Variants in KLHDC4 observed in about 807,000 individuals in gnomAD.
KLHDC4 encodes the protein kelch domain containing 4.
A neutral mutation model predicts 62.4 loss-of-function variants in KLHDC4; 90 were observed. The ratio of observed to expected loss-of-function variants is 1.44; its 90% confidence interval spans 1.22 to 1.72. The LOEUF is 1.72. Among genes scored for constraint, KLHDC4 ranks in the 40% most tolerant of loss-of-function variants. The pLI is 0.00. For missense variants in KLHDC4, 1,025 were observed against 699.7 expected, an observed-to-expected ratio of 1.47 and a Z score of -5.25; for synonymous variants, 386 against 284.4, an observed-to-expected ratio of 1.36 and a Z score of -3.59.
At chr16:87,700,999 C>T in exon 1 of KLHDC4, 1 of 221,206 alleles carries the variant, frequency 4.5e-6, no homozygotes. Flanking sequence ...GAGGAAGCGA[C>T]TGTCCCCAGG....
chr16:87,751,067 C>A (rs1371544912), intron 4 of KLHDC4: 2 of 152,230 alleles, frequency 1.3e-5, no homozygotes, highest in Admixed American at 6.5e-5. Context: ...AAACTATCAT[C>A]TCGGGAAGAC....
intron 8 of KLHDC4, among the ~76,000 whole-genome samples, chr16:87,712,366 GC>G (rs140472945): frequency 6.6e-6 from 1 of 152,160 alleles, no homozygotes; most frequent in African/African-American, 2.4e-5. Flanking sequence ...TGGCTCTGGG[GC>G]CCCCGCCTCA....
At position 87,711,230 on chromosome 16, in the gene KLHDC4, A is replaced by C; in HGVS notation, c.1044+5T>G. 1 of 1,613,964 alleles carries C rather than the reference A, an allele frequency of 6.2e-7. No individual in the cohort carries two copies. The highest frequency in any genetic ancestry group is 8.5e-7 in the Non-Finnish European group (1 of 1,179,990). On this transcript the variant is annotated splice_donor_5th_base_variant and intron_variant, in intron 9 of 11. Transcript: ENST00000270583. The stretch of plus-strand genomic sequence containing the variant: ...ACGGCGCATGCTACTCAGAGGTTGC[A>C]CTACCTTCAGCTGTCCCTCAAACCA...
intron 4 of KLHDC4, 81 bp from the exon 5 acceptor site, chr16:87,748,890 G>A (rs573144505): frequency 9.2e-6 from 14 of 1,515,538 alleles, no homozygotes; most frequent in East Asian, 2.3e-5. Flanking sequence ...AGTGGTGAGC[G>A]CTTCAGTACT....
chr16:87,734,823 G>A (rs927637988), intron 5 of KLHDC4, among the ~76,000 whole-genome samples: 5 of 152,042 alleles, frequency 3.3e-5, no homozygotes, highest in South Asian at 2.1e-4. Context: ...GCTTGGCACC[G>A]CAGGGGACAG....
intron 5 of KLHDC4, among the ~76,000 whole-genome samples, chr16:87,736,282 G>A (rs1984981): frequency 0.058 from 8,757 of 152,254 alleles, 325 homozygotes; most frequent in East Asian, 0.16. Context: ...TCAACACACA[G>A]AAGGGAAGTA....
chr16:87,764,461 C>G (rs1316256190), intron 1 of KLHDC4, among the ~76,000 whole-genome samples: 1 of 151,766 alleles, frequency 6.6e-6, no homozygotes, highest in Non-Finnish European at 1.5e-5. Context: ...ACCAGCCTGA[C>G]CAAAACGGTG....
At chr16:87,701,315 G>A (rs1192139717) in exon 1 of KLHDC4, 4 of 252,464 alleles carry the variant, frequency 1.6e-5, no homozygotes, top group South Asian at 4.8e-5. Context: ...TAGCAAGAGG[G>A]TAGCAGGGCG....
chr16:87,713,273 C>T (rs2036257568), intron 8 of KLHDC4, among the ~76,000 whole-genome samples: 1 of 152,042 alleles, frequency 6.6e-6, no homozygotes, highest in Non-Finnish European at 1.5e-5. Context: ...AATCTCGGCT[C>T]ACTGCAAGCT....
chr16:87,711,057 C>T, intron 9 of KLHDC4, 178 bp downstream of exon 9: 1 of 622,286 alleles, frequency 1.6e-6, no homozygotes. Context: ...GGACCGTGAC[C>T]AAGGGCTCTC....
At chr16:87,749,928 G>C (rs1267766100) in intron 4 of KLHDC4, among the ~76,000 whole-genome samples, 3 of 152,210 alleles carry the variant, frequency 2.0e-5, no homozygotes, top group African/African-American at 7.2e-5. Flanking sequence ...CAGTAAAGGT[G>C]AAGGAGCGCA....
rs751819016 is a variant in KLHDC4, at chr16:87,726,841, G to C, written c.683C>G (p.Pro228Arg). 2 of 1,612,944 alleles carry C rather than the reference G, an allele frequency of 1.2e-6. No homozygotes were observed. The highest frequency in any genetic ancestry group is 1.7e-6 in the Non-Finnish European group (2 of 1,179,596). ...WSKLSPSGTGPTPRSGCQMSV... is the reference protein window; with the variant it reads ...WSKLSPSGTGRTPRSGCQMSV... Reference sequence around the variant, plus strand: ...CATCTGGCAGCCTGATCTGGGTGTGGGCCCCGTCCCTGACGGGGACAGCTT... The same window carrying C: ...CATCTGGCAGCCTGATCTGGGTGTGCGCCCCGTCCCTGACGGGGACAGCTT... The change falls in exon 7 of 12, where the codon CCC becomes CGC. Residue 228 changes from proline (P) to arginine (R), a missense_variant. By Grantham distance (103) the Pro-to-Arg change is moderately radical. Coordinates refer to ENST00000270583, the MANE Select transcript of KLHDC4 (RefSeq NM_017566.4).
chr16:87,736,197 T>C (rs139558053), intron 5 of KLHDC4, among the ~76,000 whole-genome samples: 12 of 152,286 alleles, frequency 7.9e-5, no homozygotes, highest in South Asian at 2.1e-4. Context: ...CCAATGCTTA[T>C]AGGCTACAAA....
rs927645526 is a variant in KLHDC4 at position 87,715,828 on chromosome 16, C to G, written c.760-1255G>C. Among the ~76,000 whole-genome samples the G allele has an allele frequency of 4.6e-5, 7 of 152,218 alleles. No individual in the cohort carries two copies. The East Asian group carries it at 7.7e-4, about 17-fold the overall frequency. On this transcript the variant is annotated intron_variant, in intron 7 of 11. Transcript: ENST00000270583. ...CTCTATGTTCTCACAGATATTGACACAGACTTCGGCCACGCTACTGTGGTC... is the reference window on the plus strand; with the variant it reads ...CTCTATGTTCTCACAGATATTGACAGAGACTTCGGCCACGCTACTGTGGTC...
chr16:87,751,771 C>A (rs2043985643), intron 4 of KLHDC4, among the ~76,000 whole-genome samples: 1 of 151,742 alleles, frequency 6.6e-6, no homozygotes, highest in African/African-American at 2.4e-5. Context: ...AAAAATAAAG[C>A]CATTCTTAAA....
rs533349833 is a variant in KLHDC4 at position 87,743,936 on chromosome 16, G to A, written c.506+4737C>T. 8.6e-5 allele frequency among the ~76,000 whole-genome samples: 13 copies of A among 151,746 alleles called. No individual in the cohort carries two copies. The South Asian group carries it at 2.5e-3, about 29-fold the overall frequency. On this transcript the variant is annotated intron_variant, in intron 5 of 11. Transcript: ENST00000270583. ...TATGATGCTGTCACTGCCTAAATGCGATTTATCAGCAAACGCAATCCAGTC... is the reference window on the plus strand; with the variant it reads ...TATGATGCTGTCACTGCCTAAATGCAATTTATCAGCAAACGCAATCCAGTC...
At chr16:87,737,935 G>A (rs937882495) in intron 5 of KLHDC4, among the ~76,000 whole-genome samples, 2 of 152,148 alleles carry the variant, frequency 1.3e-5, no homozygotes, top group Non-Finnish European at 1.5e-5. Flanking sequence ...TCCTATCAGA[G>A]ATAGAAACTA....
intron 2 of KLHDC4, 114 bp downstream of exon 2, chr16:87,761,835 T>A: frequency 3.0e-6 from 3 of 999,070 alleles, no homozygotes; most frequent in South Asian, 2.7e-5. Flanking sequence ...CAGGTTTTAA[T>A]AATGAAAATG....
intron 10 of KLHDC4, 85 bp from the exon 11 acceptor site, chr16:87,708,551 G>C: frequency 1.1e-6 from 1 of 889,982 alleles, no homozygotes; most frequent in Non-Finnish European, 1.6e-6. Flanking sequence ...GCTACGTCCT[G>C]GGGGGATTCC....
Sources: allele counts gnomAD v4.1 joint callset (sites outside exome capture counted in the v4.1 genomes callset), GRCh38; gene constraint gnomAD v4.1.1; transcripts MANE v1.5; gene names NCBI Gene and HGNC (gene_info 2026-07-23, HGNC 2026-07-21).